The following NXPH1 variants were observed in gnomAD, a reference collection of about 807,000 sequenced individuals.
The protein encoded by NXPH1 is neurexophilin-1.
Under a neutral mutation model 23.7 loss-of-function variants are expected in NXPH1, and 5 were observed. That is an observed-to-expected ratio of 0.21 (90% CI 0.11 to 0.44). The LOEUF is 0.44. NXPH1 is among the 20% of genes least tolerant of loss of function. NXPH1 has a pLI of 0.99. For missense variants in NXPH1, 324 were observed against 321.6 expected, an observed-to-expected ratio of 1.01 and a Z score of -0.06; for synonymous variants, 144 against 122.2, an observed-to-expected ratio of 1.18 and a Z score of -1.18.
At chr7:8,572,379 G>T (rs1474278847) in intron 2 of NXPH1, among the ~76,000 whole-genome samples, 1 of 148,092 alleles carries the variant, frequency 6.8e-6, no homozygotes, top group Non-Finnish European at 1.5e-5. Flanking sequence ...TGGAGAAAAA[G>T]AAACAGAACA....
chr7:8,697,256 C>A (rs1471513934), intron 2 of NXPH1, among the ~76,000 whole-genome samples: 2 of 151,422 alleles, frequency 1.3e-5, no homozygotes, highest in Non-Finnish European at 2.9e-5. Flanking sequence ...GCTCCATTCT[C>A]AGTGTGAAAG....
At chr7:8,552,119 A>G (rs60930060) in intron 2 of NXPH1, among the ~76,000 whole-genome samples, 1 of 144,210 alleles carries the variant, frequency 6.9e-6, no homozygotes, top group Non-Finnish European at 1.5e-5. Flanking sequence ...AAAACCAAAA[A>G]AAAAAAAAAA....
intron 2 of NXPH1, among the ~76,000 whole-genome samples, chr7:8,447,026 C>G (rs1816418262): frequency 6.6e-6 from 1 of 152,052 alleles, no homozygotes; most frequent in Non-Finnish European, 1.5e-5. Context: ...CTGCCCAATA[C>G]TTGATGGAAA....
At chr7:8,575,329 T>C (rs1480888889) in intron 2 of NXPH1, among the ~76,000 whole-genome samples, 1 of 152,212 alleles carries the variant, frequency 6.6e-6, no homozygotes, top group Non-Finnish European at 1.5e-5. Flanking sequence ...CTCCTTTAAG[T>C]ACAAGCTGAC....
At chr7:8,461,553 G>A (rs1314467207) in intron 2 of NXPH1, among the ~76,000 whole-genome samples, 8 of 152,078 alleles carry the variant, frequency 5.3e-5, no homozygotes, top group African/African-American at 1.7e-4. Context: ...ACACACGGCC[G>A]GGCGCGGTGG....
intron 2 of NXPH1, among the ~76,000 whole-genome samples, chr7:8,497,334 G>C (rs1817354679): frequency 6.6e-6 from 1 of 152,148 alleles, no homozygotes; most frequent in African/African-American, 2.4e-5. Context: ...GTGTACATGT[G>C]TCTTTATAGC....
chr7:8,468,050 C>G (rs111460045), intron 2 of NXPH1, among the ~76,000 whole-genome samples: 2,443 of 152,202 alleles, frequency 0.016, 63 homozygotes, highest in African/African-American at 0.053. Context: ...TCCATCCATA[C>G]TCCATTTAAA....
At chr7:8,629,945 T>C (rs1394156254) in intron 2 of NXPH1, among the ~76,000 whole-genome samples, 1 of 152,186 alleles carries the variant, frequency 6.6e-6, no homozygotes, top group East Asian at 1.9e-4. Flanking sequence ...GAATAGCTTA[T>C]ATATAGCTTT....
chr7:8,500,008 G>A (rs144417928), intron 2 of NXPH1, among the ~76,000 whole-genome samples: 7 of 152,152 alleles, frequency 4.6e-5, no homozygotes, highest in Admixed American at 2.6e-4. Flanking sequence ...ACTATAAAGC[G>A]AATAACATTT....
chr7:8,527,191 G>T (rs1317350988), intron 2 of NXPH1, among the ~76,000 whole-genome samples: 1 of 152,208 alleles, frequency 6.6e-6, no homozygotes, highest in Non-Finnish European at 1.5e-5. Flanking sequence ...ATTTTGAGTG[G>T]CCGCTTCCTA....
chr7:8,627,772 A>T (rs1820025586), intron 2 of NXPH1, among the ~76,000 whole-genome samples: 1 of 152,168 alleles, frequency 6.6e-6, no homozygotes, highest in Non-Finnish European at 1.5e-5. Context: ...GAAGGGTAGA[A>T]GCTGCTAGAG....
chr7:8,718,106 T>A (rs1779907982), intron 2 of NXPH1, among the ~76,000 whole-genome samples: 1 of 152,180 alleles, frequency 6.6e-6, no homozygotes, highest in South Asian at 2.1e-4. Flanking sequence ...GTTCTTTACA[T>A]TTCTACTTGA....
intron 2 of NXPH1, among the ~76,000 whole-genome samples, chr7:8,635,333 A>G (rs1057342989): frequency 2.0e-5 from 3 of 152,196 alleles, no homozygotes; most frequent in Non-Finnish European, 4.4e-5. Flanking sequence ...ATCACATTCT[A>G]TTTGGTTAGA....
At chr7:8,495,630 T>A (rs1817321486) in intron 2 of NXPH1, among the ~76,000 whole-genome samples, 1 of 152,006 alleles carries the variant, frequency 6.6e-6, no homozygotes, top group African/African-American at 2.4e-5. Context: ...TAGGAGGAGA[T>A]GTAACTGAAG....
At chr7:8,638,363 C>T (rs151281754) in intron 2 of NXPH1, among the ~76,000 whole-genome samples, 307 of 152,306 alleles carry the variant, frequency 2.0e-3, no homozygotes, top group Non-Finnish European at 3.7e-3. Context: ...TGCGGGCCAA[C>T]AACCACTGGG....
At chr7:8,678,243 C>T (rs1254023645) in intron 2 of NXPH1, among the ~76,000 whole-genome samples, 1 of 152,192 alleles carries the variant, frequency 6.6e-6, no homozygotes, top group Non-Finnish European at 1.5e-5. Context: ...GGTTCAGAAG[C>T]AGGTTATGCC....
At chr7:8,475,215 C>A (rs1485796810) in intron 2 of NXPH1, among the ~76,000 whole-genome samples, 1 of 152,062 alleles carries the variant, frequency 6.6e-6, no homozygotes, top group African/African-American at 2.4e-5. Context: ...GGGTGTGAAG[C>A]CTGATTCCCA....
chr7:8,684,765 T>C (rs145802715), intron 2 of NXPH1, among the ~76,000 whole-genome samples: 1 of 152,352 alleles, frequency 6.6e-6, no homozygotes, highest in East Asian at 1.9e-4. Context: ...CTATTTATTA[T>C]ATTCCTCTGG....
chr7:8,702,724 G>C (rs1415591327), intron 2 of NXPH1, among the ~76,000 whole-genome samples: 2 of 151,958 alleles, frequency 1.3e-5, no homozygotes, highest in African/African-American at 2.4e-5. Context: ...CTGCTAGGAA[G>C]GCATAGGTGG....
Sources: gnomAD v4.1 joint callset for allele counts (sites outside exome capture counted in the v4.1 genomes callset) on GRCh38, gnomAD v4.1.1 for gene constraint, MANE v1.5 for transcripts, NCBI Gene and HGNC (gene_info 2026-07-23, HGNC 2026-07-21) for gene names.